TENM4: variants seen among roughly 807,000 people sequenced by gnomAD.
TENM4 encodes the protein teneurin transmembrane protein 4.
TENM4 carries 82 observed loss-of-function variants against 243.3 expected under a neutral mutation model. The observed-to-expected ratio is 0.34, with a 90% CI of 0.28 to 0.40. TENM4 has a LOEUF of 0.40. Among genes scored for constraint, TENM4 ranks in the 10% least tolerant of loss-of-function variants. TENM4 has a pLI of 1.00. For synonymous variants in TENM4, 1,412 were observed against 1,456.3 expected, an observed-to-expected ratio of 0.97 and a Z score of 0.69; for missense variants, 3,138 against 3,673.3, an observed-to-expected ratio of 0.85 and a Z score of 3.77.
At chr11:79,006,293 T>C (rs978967104) in intron 6 of TENM4, among the ~76,000 whole-genome samples, 3 of 152,160 alleles carry the variant, frequency 2.0e-5, no homozygotes, top group African/African-American at 7.2e-5. Flanking sequence ...CCTTACCTAT[T>C]GGGATACCTT....
intron 1 of TENM4, among the ~76,000 whole-genome samples, chr11:79,392,802 G>C (rs956486305): frequency 2.0e-5 from 3 of 152,314 alleles, no homozygotes; most frequent in South Asian, 2.1e-4. Context: ...TTCTTGGGCT[G>C]CTTCAGTCAC....
intron 1 of TENM4, among the ~76,000 whole-genome samples, chr11:79,368,440 T>C (rs541191556): frequency 6.6e-6 from 1 of 152,330 alleles, no homozygotes; most frequent in African/African-American, 2.4e-5. Context: ...AGGCCACCCT[T>C]GGCCAACATT....
At chr11:79,152,112 T>C (rs948881690) in intron 3 of TENM4, among the ~76,000 whole-genome samples, 1 of 152,122 alleles carries the variant, frequency 6.6e-6, no homozygotes, top group East Asian at 1.9e-4. Flanking sequence ...CTCCTCAAAA[T>C]TGAGGACTAG....
Position 78,750,631 on chromosome 11 carries a change from ACTTTTGTCTCTACTT to A in TENM4, c.2756+6159_2756+6173del, listed in dbSNP as rs1293093523. On this transcript the variant is annotated intron_variant, in intron 19 of 33. Coordinates refer to ENST00000278550, the MANE Select transcript of TENM4 (RefSeq NM_001098816.3). ...GGTCTTGCCTTTGAGCTCACAGAGCACTTTTGTCTCTACTTCTCTTCAGGCACTCAGCAGGGACTG... is the reference window on the plus strand; with the variant it reads ...GGTCTTGCCTTTGAGCTCACAGAGCACTCTTCAGGCACTCAGCAGGGACTG... 8.5e-5 allele frequency among the ~76,000 whole-genome samples: 13 copies of A among 152,314 alleles called. No homozygotes were observed. In the South Asian group the frequency reaches 1.0e-3, roughly 12 times the overall value.
intron 1 of TENM4, among the ~76,000 whole-genome samples, chr11:79,417,071 A>T (rs1858832114): frequency 6.6e-6 from 1 of 152,210 alleles, no homozygotes; most frequent in African/African-American, 2.4e-5. Flanking sequence ...AAAGTAGTTA[A>T]CTGAGAGTCT....
Position 78,668,815 on chromosome 11 carries a change from G to C in TENM4, c.7408+122C>G, listed in dbSNP as rs947340509. 4 of 1,270,416 alleles carry C rather than the reference G, an allele frequency of 3.1e-6. No individual in the cohort carries two copies. In the African/African-American group the frequency reaches 4.5e-5, roughly 14 times the overall value. The allele number at this position is 1,270,416 out of a possible 1,614,324, so 78.7% of individuals were successfully genotyped here. A position where few individuals can be genotyped will look rare whatever the true frequency, so the allele number is the denominator to read the frequency against. ...CTTCAAACGGACTTTGGAAAATGCT[G>C]CTCTAAGAGAAAGTCAGTGTTTCCT... On this transcript the variant is annotated intron_variant, in intron 32 of 33. Coordinates refer to ENST00000278550, the MANE Select transcript of TENM4 (RefSeq NM_001098816.3).
chr11:78,755,094 C>T (rs923868261), intron 19 of TENM4, among the ~76,000 whole-genome samples: 3 of 152,188 alleles, frequency 2.0e-5, no homozygotes, highest in African/African-American at 7.2e-5. Context: ...CAGCAGCTGC[C>T]TCACAGGGAG....
intron 1 of TENM4, among the ~76,000 whole-genome samples, chr11:79,334,935 G>A (rs1565304303): frequency 1.3e-5 from 2 of 152,178 alleles, no homozygotes. Context: ...TTGGGGTCCT[G>A]CATCATACCG....
intron 1 of TENM4, among the ~76,000 whole-genome samples, chr11:79,398,434 G>A (rs982382753): frequency 2.6e-5 from 4 of 152,060 alleles, no homozygotes; most frequent in African/African-American, 9.7e-5. Context: ...CTTACAAACT[G>A]CATGACCCTG....
rs746980528 is a variant in TENM4, at chr11:79,014,096, AC to A, written c.493+50641del. 1.6e-4 allele frequency among the ~76,000 whole-genome samples: 25 copies of A among 152,324 alleles called. No homozygotes were observed. The East Asian group carries it at 4.4e-3, about 27-fold the overall frequency. On this transcript the variant is annotated intron_variant, in intron 6 of 33. Coordinates refer to ENST00000278550, the MANE Select transcript of TENM4 (RefSeq NM_001098816.3). ...CTCAGAGCCCGGCACAGTCTGTGGC[AC>A]ACAGTAGGCAGTCCACAAATATTCA... is the stretch of plus-strand genomic sequence containing the variant.
intron 2 of TENM4, among the ~76,000 whole-genome samples, chr11:79,233,445 CA>C (rs1864405791): frequency 6.6e-6 from 1 of 152,054 alleles, no homozygotes; most frequent in African/African-American, 2.4e-5. Context: ...GTGGAAGAGG[CA>C]GGGGGACGGG....
chr11:78,692,930 C>T (rs1858861837), intron 28 of TENM4, among the ~76,000 whole-genome samples: 1 of 152,280 alleles, frequency 6.6e-6, no homozygotes, highest in Middle Eastern at 3.4e-3. Flanking sequence ...ATAAGTCCCC[C>T]CAACCTTTGT....
chr11:78,940,054 AC>A (rs1380792081), intron 6 of TENM4, among the ~76,000 whole-genome samples: 2 of 152,242 alleles, frequency 1.3e-5, no homozygotes, highest in East Asian at 3.9e-4. Context: ...AAAAAACAAA[AC>A]CCAGTCACAG....
intron 2 of TENM4, among the ~76,000 whole-genome samples, chr11:79,283,996 AAAG>A (rs1856204412): frequency 6.6e-6 from 1 of 152,340 alleles, no homozygotes; most frequent in Non-Finnish European, 1.5e-5. Context: ...AAATTTAAAA[AAAG>A]AAGTGAAAGA....
chr11:78,792,404 C>G (rs17137161), intron 15 of TENM4, among the ~76,000 whole-genome samples: 3,140 of 152,266 alleles, frequency 0.021, 44 homozygotes, highest in East Asian at 0.04. Flanking sequence ...CTCCAACTGT[C>G]CAAAAATTCC....
chr11:79,429,531 T>C (rs1202611785), intron 1 of TENM4, among the ~76,000 whole-genome samples: 1 of 151,562 alleles, frequency 6.6e-6, no homozygotes, highest in Non-Finnish European at 1.5e-5. Flanking sequence ...CCCTTGGAGG[T>C]AGACACTTCT....
intron 1 of TENM4, among the ~76,000 whole-genome samples, chr11:79,329,902 T>C (rs992560447): frequency 6.6e-6 from 1 of 152,104 alleles, no homozygotes. Context: ...GTAAAATATC[T>C]CTCCAGCTGC....
At chr11:79,270,754 A>T (rs1855954750) in intron 2 of TENM4, among the ~76,000 whole-genome samples, 1 of 151,830 alleles carries the variant, frequency 6.6e-6, no homozygotes, top group Non-Finnish European at 1.5e-5. Context: ...GCCCACCATG[A>T]CTCCTCCCAG....
At chr11:79,391,334 AT>A (rs1858228402) in intron 1 of TENM4, among the ~76,000 whole-genome samples, 1 of 151,570 alleles carries the variant, frequency 6.6e-6, no homozygotes, top group African/African-American at 2.4e-5. Context: ...CTGCAGATGC[AT>A]TTACTCACCC....
Sources: gnomAD v4.1 joint callset for allele counts (sites outside exome capture counted in the v4.1 genomes callset) on GRCh38, gnomAD v4.1.1 for gene constraint, MANE v1.5 for transcripts, NCBI Gene and HGNC (gene_info 2026-07-23, HGNC 2026-07-21) for gene names.